GOLGA8N: variants seen among roughly 807,000 people sequenced by gnomAD.
The protein encoded by GOLGA8N is golgin subfamily A member 8N.
In GOLGA8N, 2 loss-of-function variants were observed where a neutral mutation model predicts 22.0. The observed-to-expected ratio is 0.09, with a 90% CI of 0.04 to 0.29. GOLGA8N has a LOEUF of 0.29. Ranked by LOEUF, GOLGA8N falls within the 10% of genes least tolerant of loss-of-function variation. The probability of loss-of-function intolerance (pLI) is 1.00; values close to 1 mark genes in which losing one functional copy is unlikely to be tolerated. For synonymous variants in GOLGA8N, 2 were observed against 58.7 expected (o/e 0.03, Z 4.41); for missense variants, 10 against 164.7 (o/e 0.06, Z 5.14).
exon 19 of GOLGA8N, chr15:32,607,210 A>G (rs1352925759): frequency 6.6e-6 from 1 of 152,460 alleles, no homozygotes; most frequent in Admixed American, 6.5e-5. Context: ...TGAAAACTAT[A>G]GTATTAAAGG....
rs769551110 is a variant in GOLGA8N at position 32,598,112 on chromosome 15, T to C, written c.526T>C (p.Cys176Arg). The C allele has an allele frequency of 1.6e-5, 21 of 1,280,508 alleles. 2 individuals carry two copies. The East Asian group carries it at 3.1e-4, about 19-fold the overall frequency. 79.3% of individuals were successfully genotyped at this position (1,280,508 alleles called of 1,614,324 possible). Reference sequence around the variant, plus strand: ...TGTCCGTCTGCAACATTCATTGCAGTGTAAAGGAGAGTTAGAGAGCGCTCT... The same window carrying C: ...TGTCCGTCTGCAACATTCATTGCAGCGTAAAGGAGAGTTAGAGAGCGCTCT... The change falls in exon 8 of 19, where the codon TGT becomes CGT. Residue 176 changes from cysteine (C) to arginine (R), a missense_variant. Cys to Arg is a radical substitution (Grantham distance 180, BLOSUM62 -3). Transcript: ENST00000448387.
chr15:32,606,677 A>G (rs992080007), exon 19 of GOLGA8N: 1 of 150,438 alleles, frequency 6.6e-6, no homozygotes, highest in Non-Finnish European at 1.5e-5. Context: ...AAGAATCAAA[A>G]CACCTATTTA....
exon 19 of GOLGA8N, chr15:32,606,852 C>T (rs1400173647): frequency 6.7e-6 from 1 of 150,168 alleles, no homozygotes; most frequent in Admixed American, 6.6e-5. Context: ...TTATCTTAGT[C>T]ATTTTAAAAT....
exon 19 of GOLGA8N, chr15:32,605,238 A>G (rs538176267): frequency 2.4e-4 from 36 of 148,278 alleles, no homozygotes; most frequent in African/African-American, 8.8e-4. Context: ...TAAAAAAAAT[A>G]GAAACATTCT....
exon 19 of GOLGA8N, chr15:32,606,555 G>C (rs2052936329): frequency 1.3e-5 from 2 of 151,682 alleles, no homozygotes; most frequent in Non-Finnish European, 2.9e-5. Flanking sequence ...TCCTCATTCA[G>C]TATAAGGAAG....
At chr15:32,606,953 G>T (rs1175121404) in exon 19 of GOLGA8N, 1 of 150,716 alleles carries the variant, frequency 6.6e-6, no homozygotes, top group Non-Finnish European at 1.5e-5. Context: ...ATAAAAGAAA[G>T]AAATGGTGGG....
At chr15:32,607,122 T>C (rs1366188014) in exon 19 of GOLGA8N, 1 of 152,156 alleles carries the variant, frequency 6.6e-6, no homozygotes, top group Non-Finnish European at 1.5e-5. Context: ...ACTGCTGGTG[T>C]GATGCCACTG....
exon 19 of GOLGA8N, chr15:32,607,164 T>A (rs529499737): frequency 1.4e-4 from 21 of 152,548 alleles, no homozygotes; most frequent in Non-Finnish European, 2.8e-4. Flanking sequence ...TGTTTCAATG[T>A]GTTGTTTTTG....
exon 19 of GOLGA8N, chr15:32,606,990 A>G (rs2052942893): frequency 6.6e-6 from 1 of 151,580 alleles, no homozygotes; most frequent in Admixed American, 6.6e-5. Flanking sequence ...AGAAATGCCA[A>G]TTCCAGTCCA....
Position 32,606,465 on chromosome 15 carries a change from T to G in GOLGA8N, c.*2487T>G, listed in dbSNP as rs533415799. On this transcript the variant is annotated 3_prime_UTR_variant, in exon 19 of 19. Transcript: ENST00000448387. ...AGAAAACACTAAAAAGAATGGAAAT[T>G]GTATGACAATAACTTAAGTCTTTCT... 1.8e-3 allele frequency: 265 copies of G among 150,856 alleles called. 6 individuals are homozygous for G. Among genetic ancestry groups the G allele is most frequent in the African/African-American group, 6.2e-3 (254 of 40,730 alleles). The allele number at this position is 150,856 out of a possible 1,614,324, so 9.3% of individuals were successfully genotyped here. A position where few individuals can be genotyped will look rare whatever the true frequency, so the allele number is the denominator to read the frequency against.
intron 5 of GOLGA8N, 99 bp downstream of exon 5, chr15:32,597,588 A>T (rs1296658814): frequency 3.7e-6 from 6 of 1,603,072 alleles, no homozygotes; most frequent in African/African-American, 2.7e-5. Flanking sequence ...AGCCTGGGGA[A>T]GAAGGCTGAC....
exon 19 of GOLGA8N, chr15:32,606,840 C>G (rs1485469902): frequency 1.3e-5 from 2 of 149,970 alleles, no homozygotes; most frequent in African/African-American, 4.9e-5. Context: ...TTCTCTAAAA[C>G]TTTATCTTAG....
chr15:32,598,313 GT>G, intron 8 of GOLGA8N, 136 bp downstream of exon 8: 1 of 508,160 alleles, frequency 2.0e-6, no homozygotes, highest in Non-Finnish European at 3.4e-6. Flanking sequence ...TTTTTGTATG[GT>G]TTTTAGTGGC....
exon 19 of GOLGA8N, chr15:32,606,063 GTTTAAAGACAGTTACTTTAAGAGCAT>G (rs1218992073): frequency 5.0e-5 from 4 of 79,498 alleles, no homozygotes; most frequent in African/African-American, 8.4e-5. Flanking sequence ...TTTGAGTTCA[GTTTAAAGACAGTTACTTTAAGAGCAT>G]TTTAAACCCT....
At chr15:32,595,770 T>A (rs2052814225) in intron 2 of GOLGA8N, among the ~76,000 whole-genome samples, 1 of 49,540 alleles carries the variant, frequency 2.0e-5, no homozygotes, top group Admixed American at 2.3e-4. Flanking sequence ...AGAGCAAGAC[T>A]CTGTCTCAAA....
intron 7 of GOLGA8N, 46 bp from the exon 8 acceptor site, chr15:32,598,022 C>T: frequency 9.0e-7 from 1 of 1,107,050 alleles, no homozygotes. Context: ...TTTGACAGGT[C>T]TTCAGGGGGA....
At chr15:32,606,642 C>G (rs1467069229) in exon 19 of GOLGA8N, 1 of 148,880 alleles carries the variant, frequency 6.7e-6, no homozygotes, top group South Asian at 2.1e-4. Context: ...GTGAGTTCCA[C>G]TGAATACATT....
chr15:32,606,534 A>G (rs560638074), exon 19 of GOLGA8N: 1 of 151,906 alleles, frequency 6.6e-6, no homozygotes, highest in East Asian at 1.9e-4. Context: ...TCAGCCGAGT[A>G]TTTGTACTCT....
exon 19 of GOLGA8N, chr15:32,605,324 A>G (rs2052920251): frequency 1.4e-5 from 2 of 147,398 alleles, no homozygotes; most frequent in African/African-American, 2.5e-5. Flanking sequence ...TTTGAAAATC[A>G]AGGAGAAGTT....
Sources: gnomAD v4.1 joint callset for allele counts (sites outside exome capture counted in the v4.1 genomes callset) on GRCh38, gnomAD v4.1.1 for gene constraint, MANE v1.5 for transcripts, NCBI Gene and HGNC (gene_info 2026-07-23, HGNC 2026-07-21) for gene names.